The following CHN2 variants were observed in gnomAD, a reference collection of about 807,000 sequenced individuals.
CHN2 encodes the protein chimerin 2.
CHN2 carries 35 observed loss-of-function variants against 56.3 expected under a neutral mutation model. The ratio of observed to expected loss-of-function variants is 0.62; its 90% CI spans 0.47 to 0.82. The LOEUF (loss-of-function observed/expected upper bound fraction) is 0.82, where lower values mean the gene tolerates loss of function less well. Among genes scored for constraint, CHN2 ranks in the 40% least tolerant of loss-of-function variants. The probability of loss-of-function intolerance (pLI) is 0.00; values close to 1 mark genes in which losing one functional copy is unlikely to be tolerated. For synonymous variants in CHN2, 210 were observed against 212.8 expected, an observed-to-expected ratio of 0.99 and a Z score of 0.12; for missense variants, 491 against 580.5, an observed-to-expected ratio of 0.85 and a Z score of 1.58.
intron 1 of CHN2, among the ~76,000 whole-genome samples, chr7:29,248,212 A>G (rs1788223346): frequency 6.6e-6 from 1 of 152,248 alleles, no homozygotes. Flanking sequence ...TAGAGCAGGC[A>G]GTGGTCCTAG....
At chr7:29,178,869 CCAAT>C (rs1376588012) in intron 2 of CHN2, among the ~76,000 whole-genome samples, 2 of 152,116 alleles carry the variant, frequency 1.3e-5, no homozygotes, top group Non-Finnish European at 2.9e-5. Context: ...ACAAATTTGA[CCAAT>C]CAAAGGTTAA....
At chr7:29,472,701 A>G (rs1163692874) in intron 6 of CHN2, among the ~76,000 whole-genome samples, 2 of 152,138 alleles carry the variant, frequency 1.3e-5, no homozygotes, top group Non-Finnish European at 2.9e-5. Flanking sequence ...CCTGCAACAG[A>G]ACTGTCCTGA....
chr7:29,234,520 T>C (rs1427256461), intron 1 of CHN2, among the ~76,000 whole-genome samples: 1 of 152,142 alleles, frequency 6.6e-6, no homozygotes, highest in African/African-American at 2.4e-5. Context: ...AAAGGCTCAG[T>C]CAGTGGTGAG....
At chr7:29,496,179 A>T in intron 8 of CHN2, 143 bp downstream of exon 8, 1 of 521,902 alleles carries the variant, frequency 1.9e-6, no homozygotes, top group Non-Finnish European at 3.3e-6. Flanking sequence ...TCTGTGCTTA[A>T]TGGGGAAACT....
intron 6 of CHN2, among the ~76,000 whole-genome samples, chr7:29,417,613 T>C (rs1585323356): frequency 6.6e-6 from 1 of 152,324 alleles, no homozygotes. Context: ...AATGCCACTG[T>C]TGATACCTGA....
intron 1 of CHN2, among the ~76,000 whole-genome samples, chr7:29,233,267 C>T (rs1486256071): frequency 6.6e-6 from 1 of 152,208 alleles, no homozygotes; most frequent in Non-Finnish European, 1.5e-5. Context: ...TTAGTTAAGT[C>T]ATGTAATATG....
chr7:29,510,995 GTGT>G (rs2128600896), intron 12 of CHN2, among the ~76,000 whole-genome samples: 1 of 152,228 alleles, frequency 6.6e-6, no homozygotes, highest in African/African-American at 2.4e-5. Context: ...CGATGAATTG[GTGT>G]TATAACATTG....
intron 1 of CHN2, among the ~76,000 whole-genome samples, chr7:29,351,148 A>G (rs1412448133): frequency 6.7e-6 from 1 of 150,118 alleles, no homozygotes; most frequent in Non-Finnish European, 1.5e-5. Flanking sequence ...AGTGCCCCTA[A>G]GAGATAGATT....
At chr7:29,182,865 G>A (rs245917) in intron 2 of CHN2, among the ~76,000 whole-genome samples, 43,651 of 152,022 alleles carry the variant, frequency 0.29, 6,425 homozygotes, top group East Asian at 0.35. Flanking sequence ...TTGCCCTTTT[G>A]TGTGGAAAAT....
At chr7:29,421,470 G>A (rs1298671177) in intron 6 of CHN2, among the ~76,000 whole-genome samples, 1 of 152,196 alleles carries the variant, frequency 6.6e-6, no homozygotes, top group East Asian at 1.9e-4. Flanking sequence ...GGCTAAAAAC[G>A]ACTGGGTTTC....
intron 6 of CHN2, among the ~76,000 whole-genome samples, chr7:29,446,034 C>T (rs902539660): frequency 6.6e-6 from 1 of 152,068 alleles, no homozygotes; most frequent in Admixed American, 6.5e-5. Context: ...CATCTGGGAG[C>T]TTCTAAAAAC....
intron 6 of CHN2, among the ~76,000 whole-genome samples, chr7:29,446,251 C>T (rs1784026250): frequency 6.6e-6 from 1 of 152,146 alleles, no homozygotes; most frequent in African/African-American, 2.4e-5. Flanking sequence ...TGTAACTAAA[C>T]ACCACCTGTT....
intron 1 of CHN2, among the ~76,000 whole-genome samples, chr7:29,351,080 C>T (rs1197696102): frequency 1.4e-4 from 18 of 126,626 alleles, no homozygotes; most frequent in African/African-American, 4.2e-4. Context: ...TGCACTCTAG[C>T]GTGGGCAACG....
intron 1 of CHN2, among the ~76,000 whole-genome samples, chr7:29,344,526 C>T (rs1330165867): frequency 6.6e-6 from 1 of 152,166 alleles, no homozygotes; most frequent in Non-Finnish European, 1.5e-5. Flanking sequence ...GCTCTCAGTG[C>T]CATGTCCTGT....
intron 1 of CHN2, among the ~76,000 whole-genome samples, chr7:29,352,442 C>T (rs1244383086): frequency 6.6e-6 from 1 of 151,944 alleles, no homozygotes; most frequent in East Asian, 1.9e-4. Flanking sequence ...CATAGAGGGC[C>T]GGGGCACGGT....
intron 6 of CHN2, among the ~76,000 whole-genome samples, chr7:29,424,866 C>T (rs1023779321): frequency 1.3e-5 from 2 of 152,160 alleles, no homozygotes; most frequent in Non-Finnish European, 2.9e-5. Flanking sequence ...ACCCTCTGGC[C>T]CCTGGAGGCC....
intron 1 of CHN2, among the ~76,000 whole-genome samples, chr7:29,246,831 C>T (rs935913031): frequency 1.3e-5 from 2 of 152,196 alleles, no homozygotes; most frequent in African/African-American, 2.4e-5. Context: ...AGGGAGCTCT[C>T]TGGGGCTGCT....
chr7:29,433,596 G>A (rs570332051), intron 6 of CHN2, among the ~76,000 whole-genome samples: 128 of 152,282 alleles, frequency 8.4e-4, no homozygotes, highest in African/African-American at 2.8e-3. Flanking sequence ...TGGCACTTTG[G>A]GAGGCCAAGG....
At chr7:29,429,017 A>G (rs756178419) in intron 6 of CHN2, among the ~76,000 whole-genome samples, 3 of 152,102 alleles carry the variant, frequency 2.0e-5, no homozygotes, top group Admixed American at 6.6e-5. Context: ...TTCCACTCGC[A>G]TTTTCATTGA....
Sources: allele counts gnomAD v4.1 joint callset (sites outside exome capture counted in the v4.1 genomes callset), GRCh38; gene constraint gnomAD v4.1.1; transcripts MANE v1.5; gene names NCBI Gene and HGNC (gene_info 2026-07-23, HGNC 2026-07-21).